TRIM24: variants seen among roughly 807,000 people sequenced by gnomAD.
The protein encoded by TRIM24 is tripartite motif containing 24, also known as transcription intermediary factor 1-alpha.
In TRIM24, 29 loss-of-function variants were observed where a neutral mutation model predicts 123.9. That is an observed-to-expected ratio of 0.23 (90% confidence interval 0.17 to 0.32). TRIM24 has a LOEUF of 0.32. Ranked by LOEUF, TRIM24 falls within the 10% of genes least tolerant of loss-of-function variation. The pLI, the probability that TRIM24 is intolerant of heterozygous loss-of-function variation, is 1.00. For missense variants in TRIM24, 932 were observed against 1,295.3 expected, an observed-to-expected ratio of 0.72 and a Z score of 4.31; for synonymous variants, 456 against 461.1, an observed-to-expected ratio of 0.99 and a Z score of 0.14.
intron 6 of TRIM24, among the ~76,000 whole-genome samples, chr7:138,533,718 T>C (rs1328066256): frequency 6.6e-6 from 1 of 152,248 alleles, no homozygotes; most frequent in Non-Finnish European, 1.5e-5. Context: ...ATCAGGATGA[T>C]GCTGGCCTCA....
intron 9 of TRIM24, among the ~76,000 whole-genome samples, chr7:138,566,006 A>G (rs757836793): frequency 1.8e-4 from 27 of 152,302 alleles, no homozygotes; most frequent in Non-Finnish European, 3.2e-4. Context: ...GGGTGTTGGG[A>G]GAGTCTCTGG....
intron 6 of TRIM24, among the ~76,000 whole-genome samples, chr7:138,529,776 A>T (rs1039469397): frequency 6.6e-6 from 1 of 152,106 alleles, no homozygotes; most frequent in Non-Finnish European, 1.5e-5. Flanking sequence ...GCTTTTTAAA[A>T]CTCATGAAGG....
chr7:138,576,858 T>C (rs1797772105), intron 13 of TRIM24, among the ~76,000 whole-genome samples: 1 of 152,234 alleles, frequency 6.6e-6, no homozygotes, highest in African/African-American at 2.4e-5. Flanking sequence ...TTTAAGCAAC[T>C]GCTCTCCTCT....
intron 2 of TRIM24, among the ~76,000 whole-genome samples, chr7:138,508,684 T>TGCGCGCGCGCGCGCGCGCGC (rs747170764): frequency 1.9e-5 from 1 of 53,446 alleles, no homozygotes; most frequent in African/African-American, 7.5e-5. Context: ...TGTGTGTGTG[T>TGCGCGCGCGCGCGCGCGCGC]GTGTGTGTGC....
intron 3 of TRIM24, 98 bp downstream of exon 3, chr7:138,515,457 A>G: frequency 7.3e-7 from 1 of 1,369,900 alleles, no homozygotes. Context: ...TTTGATAAGT[A>G]TTAAATATAC....
intron 9 of TRIM24, among the ~76,000 whole-genome samples, chr7:138,560,405 G>A (rs541847809): frequency 2.0e-4 from 31 of 152,194 alleles, no homozygotes; most frequent in African/African-American, 5.3e-4. Context: ...AGAAAGTCTC[G>A]ACCCATCCTG....
At chr7:138,520,922 A>AG (rs1337069604) in intron 4 of TRIM24, among the ~76,000 whole-genome samples, 1 of 152,242 alleles carries the variant, frequency 6.6e-6, no homozygotes, top group Non-Finnish European at 1.5e-5. Context: ...ATGGGAAGGA[A>AG]GCAATACTCG....
chr7:138,580,865 A>T (rs1797880772), intron 16 of TRIM24, among the ~76,000 whole-genome samples, 171 bp downstream of exon 16: 1 of 152,146 alleles, frequency 6.6e-6, no homozygotes, highest in African/African-American at 2.4e-5. Flanking sequence ...CTTTCTTTAA[A>T]TTAAAAAAAT....
intron 1 of TRIM24, among the ~76,000 whole-genome samples, chr7:138,473,495 C>T (rs113847453): frequency 2.1e-4 from 32 of 152,268 alleles, no homozygotes; most frequent in African/African-American, 7.5e-4. Context: ...CAGATTTCTC[C>T]ACTCTAAAGC....
chr7:138,535,103 G>A (rs1306488413), intron 6 of TRIM24, among the ~76,000 whole-genome samples: 1 of 152,156 alleles, frequency 6.6e-6, no homozygotes. Context: ...TTGAGCTTAT[G>A]TGTGTCTCTG....
At chr7:138,463,989 CTTTTTT>C (rs568562414) in intron 1 of TRIM24, among the ~76,000 whole-genome samples, 32 of 50,756 alleles carry the variant, frequency 6.3e-4, no homozygotes, top group South Asian at 4.6e-3. Context: ...AAAATTTAGA[CTTTTTT>C]TTTTTTTTTT....
chr7:138,507,589 CTG>C (rs138102573), intron 2 of TRIM24, among the ~76,000 whole-genome samples: 5,798 of 152,178 alleles, frequency 0.038, 151 homozygotes, highest in Middle Eastern at 0.088. Context: ...TCCCAAAGTG[CTG>C]GGATTACAGG....
At chr7:138,552,936 A>G (rs1182152608) in intron 8 of TRIM24, among the ~76,000 whole-genome samples, 1 of 152,222 alleles carries the variant, frequency 6.6e-6, no homozygotes, top group African/African-American at 2.4e-5. Flanking sequence ...CAAGATATAA[A>G]TCCAAACAAG....
At chr7:138,572,445 G>GA (rs1220606047) in intron 11 of TRIM24, among the ~76,000 whole-genome samples, 1 of 152,060 alleles carries the variant, frequency 6.6e-6, no homozygotes, top group African/African-American at 2.4e-5. Context: ...CCCTGCCCCC[G>GA]AACCCACAGA....
chr7:138,569,542 C>T (rs1797610236), intron 10 of TRIM24, among the ~76,000 whole-genome samples: 1 of 152,086 alleles, frequency 6.6e-6, no homozygotes, highest in African/African-American at 2.4e-5. Flanking sequence ...TTCCTCCAGC[C>T]TCATCATGTA....
intron 9 of TRIM24, among the ~76,000 whole-genome samples, chr7:138,555,699 G>A (rs2116638183): frequency 6.6e-6 from 1 of 152,024 alleles, no homozygotes; most frequent in Admixed American, 6.6e-5. Flanking sequence ...AGCCAGGATG[G>A]TCTCGATCTC....
At chr7:138,579,576 T>C (rs1478495646) in intron 15 of TRIM24, 44 bp downstream of exon 15, 2 of 1,476,212 alleles carry the variant, frequency 1.4e-6, no homozygotes, top group African/African-American at 1.4e-5. Context: ...CTGTAAACTT[T>C]TGAAGATTAT....
intron 6 of TRIM24, among the ~76,000 whole-genome samples, chr7:138,530,665 AC>A (rs1329127973): frequency 4.6e-5 from 7 of 150,824 alleles, no homozygotes; most frequent in African/African-American, 9.8e-5. Flanking sequence ...GGGGGTTTTG[AC>A]ACGTTGGCTC....
intron 2 of TRIM24, among the ~76,000 whole-genome samples, chr7:138,505,751 C>A (rs1796139667): frequency 6.6e-6 from 1 of 152,124 alleles, no homozygotes; most frequent in African/African-American, 2.4e-5. Context: ...ATTTAGAGAT[C>A]CAATGGTGTT....
Sources: gnomAD v4.1 joint callset for allele counts (sites outside exome capture counted in the v4.1 genomes callset) on GRCh38, gnomAD v4.1.1 for gene constraint, MANE v1.5 for transcripts, NCBI Gene and HGNC (gene_info 2026-07-23, HGNC 2026-07-21) for gene names.